PTPRD: variants seen among roughly 807,000 people sequenced by gnomAD.
PTPRD encodes the protein protein tyrosine phosphatase receptor type D, also known as receptor-type tyrosine-protein phosphatase delta.
PTPRD carries 34 observed loss-of-function variants against 214.5 expected under a neutral mutation model. The ratio of observed to expected loss-of-function variants is 0.16; its 90% confidence interval spans 0.12 to 0.21. The LOEUF (loss-of-function observed/expected upper bound fraction) is 0.21. Among genes scored for constraint, PTPRD ranks in the 10% least tolerant of loss-of-function variants. PTPRD has a pLI of 1.00. For missense variants in PTPRD, 2,545 were observed against 2,398.7 expected (o/e 1.06, Z -1.27); for synonymous variants, 1,128 against 845.7 (o/e 1.33, Z -5.79).
chr9:9,775,666 G>C (rs1280721186), intron 5 of PTPRD, among the ~76,000 whole-genome samples: 2 of 152,090 alleles, frequency 1.3e-5, no homozygotes, highest in Non-Finnish European at 2.9e-5. Flanking sequence ...ATTCTTGGCT[G>C]GTTGCGGTGG....
At chr9:8,880,698 C>G (rs1052906809) in intron 11 of PTPRD, among the ~76,000 whole-genome samples, 5 of 152,000 alleles carry the variant, frequency 3.3e-5, no homozygotes, top group Non-Finnish European at 7.4e-5. Flanking sequence ...ATATGTATAA[C>G]AACACATTTA....
chr9:9,045,143 C>T (rs1408167258), intron 10 of PTPRD, among the ~76,000 whole-genome samples: 4 of 152,156 alleles, frequency 2.6e-5, no homozygotes, highest in African/African-American at 9.7e-5. Flanking sequence ...ATACACTTTA[C>T]AACCTAGGGG....
At chr9:8,822,823 C>G (rs2097098327) in intron 11 of PTPRD, among the ~76,000 whole-genome samples, 1 of 152,048 alleles carries the variant, frequency 6.6e-6, no homozygotes. Flanking sequence ...TCCCATCCCC[C>G]AAAACCACCA....
At chr9:10,558,449 C>T (rs1450120889) in intron 2 of PTPRD, among the ~76,000 whole-genome samples, 1 of 152,076 alleles carries the variant, frequency 6.6e-6, no homozygotes, top group Non-Finnish European at 1.5e-5. Flanking sequence ...GGAGATGTAC[C>T]TTCATACACA....
chr9:9,224,809 C>G (rs1214465273), intron 9 of PTPRD, among the ~76,000 whole-genome samples: 2 of 151,890 alleles, frequency 1.3e-5, no homozygotes, highest in African/African-American at 4.8e-5. Flanking sequence ...TAAGATATGT[C>G]TTAAGCTAAG....
intron 2 of PTPRD, among the ~76,000 whole-genome samples, chr9:10,565,067 G>A (rs562325626): frequency 6.7e-4 from 102 of 152,012 alleles, no homozygotes; most frequent in South Asian, 1.7e-3. Flanking sequence ...TATAAGCCAT[G>A]TATTGCTCAT....
intron 7 of PTPRD, among the ~76,000 whole-genome samples, chr9:9,626,268 G>A (rs1290633967): frequency 4.6e-5 from 7 of 152,158 alleles, no homozygotes; most frequent in African/African-American, 1.7e-4. Flanking sequence ...GTGCTTTAGT[G>A]TGAGTAGGGT....
chr9:10,221,040 G>C (rs976949407), intron 3 of PTPRD, among the ~76,000 whole-genome samples: 1 of 152,140 alleles, frequency 6.6e-6, no homozygotes, highest in East Asian at 1.9e-4. Flanking sequence ...AGTTTTACTA[G>C]TGGTTTGAGA....
intron 9 of PTPRD, among the ~76,000 whole-genome samples, chr9:9,255,728 A>T (rs1327824800): frequency 6.6e-6 from 1 of 152,066 alleles, no homozygotes; most frequent in East Asian, 1.9e-4. Flanking sequence ...AATCATGATG[A>T]TTGATCGCAA....
intron 4 of PTPRD, among the ~76,000 whole-genome samples, chr9:9,990,651 G>A (rs920602123): frequency 1.3e-5 from 2 of 152,216 alleles, no homozygotes; most frequent in African/African-American, 2.4e-5. Flanking sequence ...TTAGCCCTGG[G>A]CTGGGATGAC....
chr9:9,410,444 G>A (rs1455213399), intron 8 of PTPRD, among the ~76,000 whole-genome samples: 2 of 152,044 alleles, frequency 1.3e-5, no homozygotes, highest in Non-Finnish European at 2.9e-5. Flanking sequence ...GCTTACATTG[G>A]ATCCTTTCCA....
chr9:9,135,281 C>T (rs1030520856), intron 10 of PTPRD, among the ~76,000 whole-genome samples: 2 of 152,192 alleles, frequency 1.3e-5, no homozygotes, highest in African/African-American at 4.8e-5. Context: ...ATACTTTGTA[C>T]ATAGTAGAAA....
intron 10 of PTPRD, among the ~76,000 whole-genome samples, chr9:9,037,439 G>C (rs1294108340): frequency 6.6e-6 from 1 of 152,064 alleles, no homozygotes; most frequent in Non-Finnish European, 1.5e-5. Context: ...CTTCTCCAGG[G>C]TGAACTTTTC....
intron 8 of PTPRD, among the ~76,000 whole-genome samples, chr9:9,552,335 G>A (rs372465499): frequency 1.3e-5 from 2 of 151,898 alleles, no homozygotes; most frequent in Admixed American, 6.6e-5. Flanking sequence ...GGATAATTTC[G>A]CAGTCAATTG....
At chr9:8,325,989 T>C (rs1008669721) in intron 44 of PTPRD, among the ~76,000 whole-genome samples, 3 of 152,342 alleles carry the variant, frequency 2.0e-5, no homozygotes, top group Middle Eastern at 6.8e-3. Context: ...TGGGGTTTTC[T>C]AAATATACAA....
At chr9:9,107,595 G>C (rs919217658) in intron 10 of PTPRD, among the ~76,000 whole-genome samples, 1 of 152,132 alleles carries the variant, frequency 6.6e-6, no homozygotes, top group Admixed American at 6.6e-5. Flanking sequence ...CAGGAGAAAA[G>C]TGAAATAAAA....
intron 8 of PTPRD, among the ~76,000 whole-genome samples, chr9:9,545,029 G>T (rs372957555): frequency 2.6e-5 from 4 of 151,674 alleles, no homozygotes; most frequent in African/African-American, 9.7e-5. Flanking sequence ...TGAGAGGAAA[G>T]TATAGAGATT....
chr9:9,046,438 C>A (rs1170250079), intron 10 of PTPRD, among the ~76,000 whole-genome samples: 1 of 152,064 alleles, frequency 6.6e-6, no homozygotes, highest in African/African-American at 2.4e-5. Context: ...TGAATAAGTT[C>A]TGTTTCCATT....
At chr9:10,152,950 C>T (rs1441336907) in intron 3 of PTPRD, among the ~76,000 whole-genome samples, 1 of 152,084 alleles carries the variant, frequency 6.6e-6, no homozygotes, top group Non-Finnish European at 1.5e-5. Flanking sequence ...GCTCACATAT[C>T]TGTGGAATAT....
Sources: gnomAD v4.1 joint callset for allele counts (sites outside exome capture counted in the v4.1 genomes callset) on GRCh38, gnomAD v4.1.1 for gene constraint, MANE v1.5 for transcripts, NCBI Gene and HGNC (gene_info 2026-07-23, HGNC 2026-07-21) for gene names.